Variants in CACNA1D observed in about 807,000 individuals in gnomAD.
CACNA1D encodes the protein calcium voltage-gated channel subunit alpha1 D.
In CACNA1D, 55 loss-of-function variants were observed where a neutral mutation model predicts 257.1. That is an observed-to-expected ratio of 0.21 (90% CI 0.17 to 0.27). The LOEUF (loss-of-function observed/expected upper bound fraction) is 0.27. CACNA1D is among the 10% of genes least tolerant of loss of function. The pLI, the probability that CACNA1D is intolerant of heterozygous loss-of-function variation, is 1.00. For missense variants in CACNA1D, 1,876 were observed against 2,784.0 expected, an observed-to-expected ratio of 0.67 and a Z score of 7.34; for synonymous variants, 980 against 1,014.9, an observed-to-expected ratio of 0.97 and a Z score of 0.65.
chr3:53,764,794 T>G (rs543514157), intron 30 of CACNA1D, among the ~76,000 whole-genome samples: 1 of 152,194 alleles, frequency 6.6e-6, no homozygotes, highest in Admixed American at 6.5e-5. Context: ...CATTTGACAT[T>G]GGGGTATCTG....
rs1038276308 is a variant in CACNA1D, at chr3:53,813,573, T to C, written c.*2167T>C. The C allele has an allele frequency of 6.6e-6, 1 of 152,242 alleles. No homozygotes were observed. The highest frequency in any genetic ancestry group is 1.5e-5 in the Non-Finnish European group (1 of 68,056). 9.4% of individuals were successfully genotyped at this position (152,242 alleles called of 1,614,324 possible). A position where few individuals can be genotyped will look rare whatever the true frequency, so the allele number is the denominator to read the frequency against. ...CTTGTGGCATCACATCAGGCCAAAA[T>C]TGCCAGACCAGGACCCTAAGTGTCT... On this transcript the variant is annotated 3_prime_UTR_variant, in exon 48 of 48. Transcript: ENST00000350061.
At chr3:53,775,831 G>C in intron 34 of CACNA1D, 55 bp from the exon 35 acceptor site, 5 of 1,564,310 alleles carry the variant, frequency 3.2e-6, no homozygotes, top group Non-Finnish European at 4.4e-6. Context: ...TAAGATCTAA[G>C]CTTCAAATTC....
At chr3:53,561,406 G>A (rs1311334698) in intron 3 of CACNA1D, among the ~76,000 whole-genome samples, 1 of 152,104 alleles carries the variant, frequency 6.6e-6, no homozygotes, top group Non-Finnish European at 1.5e-5. Flanking sequence ...ATAAAATAGG[G>A]GATTGGATCC....
intron 3 of CACNA1D, among the ~76,000 whole-genome samples, chr3:53,555,553 T>C (rs760730458): frequency 2.0e-5 from 3 of 150,584 alleles, no homozygotes; most frequent in Non-Finnish European, 4.4e-5. Flanking sequence ...TCTAGGACTT[T>C]CTAAACCTGA....
intron 29 of CACNA1D, among the ~76,000 whole-genome samples, chr3:53,757,434 TG>T (rs1429140688): frequency 2.0e-5 from 3 of 152,178 alleles, no homozygotes; most frequent in Non-Finnish European, 4.4e-5. Flanking sequence ...TGGCCGCCTC[TG>T]TGGCATGCAG....
At chr3:53,750,081 C>T (rs954183088) in intron 27 of CACNA1D, among the ~76,000 whole-genome samples, 1 of 152,216 alleles carries the variant, frequency 6.6e-6, no homozygotes, top group African/African-American at 2.4e-5. Flanking sequence ...TGCATCACCC[C>T]AGGGAAGTCA....
intron 3 of CACNA1D, among the ~76,000 whole-genome samples, chr3:53,643,232 T>C (rs1270971906): frequency 6.6e-6 from 1 of 152,164 alleles, no homozygotes; most frequent in Admixed American, 6.5e-5. Flanking sequence ...CCCATTGTTG[T>C]TCCTCTAAGT....
At chr3:53,801,542 T>C (rs1038225240) in intron 42 of CACNA1D, 117 bp downstream of exon 42, 11 of 1,328,194 alleles carry the variant, frequency 8.3e-6, no homozygotes, top group Non-Finnish European at 1.2e-5. Context: ...AGGTTCCCCG[T>C]AGGCATTTGT....
chr3:53,730,603 A>T (rs2094980988), intron 16 of CACNA1D, 47 bp downstream of exon 16: 1 of 1,392,048 alleles, frequency 7.2e-7, no homozygotes, highest in African/African-American at 1.4e-5. Context: ...CTGTGTTGGG[A>T]GCCCTGCAAC....
At chr3:53,629,377 GTT>G (rs10576662) in intron 3 of CACNA1D, among the ~76,000 whole-genome samples, 6,394 of 152,282 alleles carry the variant, frequency 0.042, 438 homozygotes, top group African/African-American at 0.15. Flanking sequence ...AAAGTGATCA[GTT>G]TATGGGATTG....
At chr3:53,598,652 A>T (rs72970738) in intron 3 of CACNA1D, among the ~76,000 whole-genome samples, 26 of 152,150 alleles carry the variant, frequency 1.7e-4, no homozygotes. Context: ...TGAAACTGCC[A>T]TTCCCTTTAG....
At chr3:53,553,769 C>T (rs2092583122) in intron 3 of CACNA1D, among the ~76,000 whole-genome samples, 1 of 151,688 alleles carries the variant, frequency 6.6e-6, no homozygotes, top group Non-Finnish European at 1.5e-5. Flanking sequence ...GATTTGATTC[C>T]CTGGCAGTCA....
At chr3:53,532,077 G>A (rs1360763913) in intron 3 of CACNA1D, among the ~76,000 whole-genome samples, 1 of 152,190 alleles carries the variant, frequency 6.6e-6, no homozygotes, top group Non-Finnish European at 1.5e-5. Context: ...AAGGGGAGGT[G>A]AGTGTCATCA....
chr3:53,662,925 CAAT>C (rs2094218981), intron 5 of CACNA1D, among the ~76,000 whole-genome samples: 1 of 152,212 alleles, frequency 6.6e-6, no homozygotes. Context: ...AAAACCAAAA[CAAT>C]GATAGAAACC....
chr3:53,778,405 G>A (rs557570977), intron 37 of CACNA1D, among the ~76,000 whole-genome samples: 1 of 152,348 alleles, frequency 6.6e-6, no homozygotes, highest in East Asian at 1.9e-4. Context: ...TTCCCTGGCT[G>A]CCTGTGCTGG....
At chr3:53,591,841 C>T (rs894598317) in intron 3 of CACNA1D, among the ~76,000 whole-genome samples, 2 of 152,092 alleles carry the variant, frequency 1.3e-5, no homozygotes, top group African/African-American at 2.4e-5. Context: ...TTTATTTTTG[C>T]GTGGATATGA....
At chr3:53,697,897 A>G (rs1435332165) in intron 8 of CACNA1D, among the ~76,000 whole-genome samples, 2 of 151,806 alleles carry the variant, frequency 1.3e-5, no homozygotes, top group African/African-American at 4.8e-5. Context: ...TCTTGTACCT[A>G]CCCTACCCTT....
intron 3 of CACNA1D, among the ~76,000 whole-genome samples, chr3:53,553,690 A>G (rs2092581111): frequency 6.6e-6 from 1 of 152,098 alleles, no homozygotes; most frequent in Non-Finnish European, 1.5e-5. Flanking sequence ...CAACCCTATG[A>G]CAAGTCACAT....
At chr3:53,616,274 C>T (rs1359797925) in intron 3 of CACNA1D, among the ~76,000 whole-genome samples, 2 of 152,170 alleles carry the variant, frequency 1.3e-5, no homozygotes, top group African/African-American at 2.4e-5. Flanking sequence ...GAAAGGGTAC[C>T]GGCCCCCCGG....
Sources: allele counts gnomAD v4.1 joint callset (sites outside exome capture counted in the v4.1 genomes callset), GRCh38; gene constraint gnomAD v4.1.1; transcripts MANE v1.5; gene names NCBI Gene and HGNC (gene_info 2026-07-23, HGNC 2026-07-21).